ZFR2: variants seen among roughly 807,000 people sequenced by gnomAD.
The protein encoded by ZFR2 is zinc finger RNA binding protein 2.
Under a neutral mutation model 105.7 loss-of-function variants are expected in ZFR2, and 104 were observed. The ratio of observed to expected loss-of-function variants is 0.98; its 90% CI spans 0.84 to 1.16. The LOEUF (loss-of-function observed/expected upper bound fraction) is 1.16. Among genes scored for constraint, ZFR2 ranks in the 50% most tolerant of loss-of-function variants. The pLI, the probability that ZFR2 is intolerant of heterozygous loss-of-function variation, is 0.00. For missense variants in ZFR2, 1,425 were observed against 1,355.5 expected (o/e 1.05, Z -0.80); for synonymous variants, 634 against 597.7 (o/e 1.06, Z -0.89).
At chr19:3,845,529 CT>C (rs955159631) in intron 1 of ZFR2, among the ~76,000 whole-genome samples, 1 of 150,858 alleles carries the variant, frequency 6.6e-6, no homozygotes, top group African/African-American at 2.4e-5. Flanking sequence ...CAAGGTCACA[CT>C]TTTGTAATCC....
At chr19:3,849,264 G>C (rs937694475) in intron 1 of ZFR2, among the ~76,000 whole-genome samples, 1 of 152,206 alleles carries the variant, frequency 6.6e-6, no homozygotes, top group African/African-American at 2.4e-5. Context: ...AACCTGTGGG[G>C]CTTTCTCTAT....
chr19:3,843,788 T>C lies in ZFR2; in HGVS notation c.54-8805A>G, dbSNP rs111550288. Among the ~76,000 whole-genome samples the C allele has an allele frequency of 9.0e-3, 1,313 of 146,604 alleles. 19 individuals are homozygous for C. The highest frequency in any genetic ancestry group is 0.032 in the African/African-American group (1,250 of 39,294). On this transcript the variant is annotated intron_variant, in intron 1 of 18. Transcript: ENST00000262961. ...AGGCGGAGCTTGCAGTGAGCAGAGA[T>C]CACACCACTGCACTCCAGCCTGGGT... is the stretch of plus-strand genomic sequence containing the variant.
At chr19:3,833,826 G>A in intron 2 of ZFR2, 48 bp from the exon 3 acceptor site, 7 of 1,472,800 alleles carry the variant, frequency 4.8e-6, no homozygotes, top group Admixed American at 2.0e-5. Context: ...GAGGAGAGCA[G>A]CTCAGGCGGT....
Position 3,819,110 on chromosome 19 carries a change from C to T in ZFR2, c.1866G>A (p.Lys622=). 1 of 1,612,210 alleles carries T rather than the reference C, an allele frequency of 6.2e-7. No individual in the cohort carries two copies. The highest frequency in any genetic ancestry group is 8.5e-7 in the Non-Finnish European group (1 of 1,179,758). The change falls in exon 12 of 19, where the codon AAG becomes AAA. Residue 622 remains lysine, a synonymous_variant. Coordinates refer to ENST00000262961, the MANE Select transcript of ZFR2 (RefSeq NM_015174.2). ...CCTCGGCCAGTGTGTCGGACACCAG[C>T]TTGAGGGCCCGCTCTGCGTGGGACA... is the stretch of plus-strand genomic sequence containing the variant. ...RAVSHAERAL[K]LVSDTLAEED...
At position 3,813,643 on chromosome 19, in the gene ZFR2, G is replaced by A. The variant is rs565401903; in HGVS notation, c.2242+177C>T. Among the ~76,000 whole-genome samples the A allele has an allele frequency of 2.3e-4, 35 of 152,274 alleles. No homozygotes were observed. Among genetic ancestry groups the A allele is most frequent in the African/African-American group, 6.5e-4 (27 of 41,552 alleles). ...CACCGACTCGCCGCCTCTGCTGCCC[G>A]GAGACCCAGCTCTTGTGTGACCCAT... On this transcript the variant is annotated intron_variant, in intron 14 of 18. Coordinates refer to ENST00000262961, the MANE Select transcript of ZFR2 (RefSeq NM_015174.2). The surrounding 1 kb of genome is among the most constrained non-coding windows in gnomAD (Gnocchi z 4.4).
At chr19:3,817,322 G>A (rs2037836213) in intron 12 of ZFR2, among the ~76,000 whole-genome samples, 1 of 152,038 alleles carries the variant, frequency 6.6e-6, no homozygotes, top group African/African-American at 2.4e-5. Context: ...ACTTTGGGAG[G>A]CCGAGGTGGG....
intron 1 of ZFR2, chr19:3,855,689 T>C (rs2038290195): frequency 5.4e-6 from 2 of 369,710 alleles, no homozygotes; most frequent in Non-Finnish European, 9.6e-6. Context: ...GGGCTGGTCA[T>C]GGCGGGCCTG....
chr19:3,855,454 C>T (rs2038286679), intron 1 of ZFR2: 1 of 1,231,558 alleles, frequency 8.1e-7, no homozygotes, highest in African/African-American at 1.6e-5. Context: ...TTCATTGAGT[C>T]ATTGGATAAA....
chr19:3,860,225 G>T (rs533606042), intron 1 of ZFR2, among the ~76,000 whole-genome samples: 2 of 149,844 alleles, frequency 1.3e-5, no homozygotes, highest in Non-Finnish European at 3.0e-5. Context: ...TTCAGAGATG[G>T]GGGGGGTCTC....
At position 3,813,672 on chromosome 19, in the gene ZFR2, A is replaced by G; in HGVS notation, c.2242+148T>C. The G allele has an allele frequency of 1.7e-6, 2 of 1,170,038 alleles. No homozygotes were observed. The highest frequency in any genetic ancestry group is 2.4e-6 in the Non-Finnish European group (2 of 840,904). 72.5% of individuals were successfully genotyped at this position (1,170,038 alleles called of 1,614,324 possible). On this transcript the variant is annotated intron_variant, in intron 14 of 18. Transcript: ENST00000262961. The surrounding 1 kb of genome is among the most constrained non-coding windows in gnomAD (Gnocchi z 4.4). Reference sequence around the variant, plus strand: ...ACCCAGCTCTTGTGTGACCCATGGAATCCTCAGGGGGACAGCAGTGCTGGA... The same window carrying G: ...ACCCAGCTCTTGTGTGACCCATGGAGTCCTCAGGGGGACAGCAGTGCTGGA...
In ZFR2 at chr19:3,864,511, T is replaced by C. The variant is rs559505530; in HGVS notation, c.53+4454A>G. On this transcript the variant is annotated intron_variant, in intron 1 of 18. Coordinates refer to ENST00000262961, the MANE Select transcript of ZFR2 (RefSeq NM_015174.2). The stretch of plus-strand genomic sequence containing the variant: ...AAGGCACAGCTAGCCGACTGCGTAA[T>C]ACTGGTGGAACTGTGACAAACTGCT... Among the ~76,000 whole-genome samples, 27 of 152,364 alleles carry C rather than the reference T, an allele frequency of 1.8e-4. 1 individual carries two copies. The South Asian group carries it at 5.6e-3, about 32-fold the overall frequency.
chr19:3,824,812 C>T (rs2037931524), intron 7 of ZFR2, among the ~76,000 whole-genome samples: 1 of 152,144 alleles, frequency 6.6e-6, no homozygotes, highest in Admixed American at 6.6e-5. Flanking sequence ...TGGTGCATGC[C>T]TATAGTCCCA....
chr19:3,810,170 G>A (rs563651871), intron 16 of ZFR2, among the ~76,000 whole-genome samples: 5 of 152,106 alleles, frequency 3.3e-5, no homozygotes, highest in South Asian at 4.1e-4. Context: ...CCCGCAGGGC[G>A]GGGGGGAGGC....
rs575210246 is a variant in ZFR2 at position 3,820,210 on chromosome 19, G to A, written c.1712C>T (p.Pro571Leu). The change falls in exon 11 of 19, where the codon CCG becomes CTG. Residue 571 changes from proline (P) to leucine (L), a missense_variant. Coordinates refer to ENST00000262961, the MANE Select transcript of ZFR2 (RefSeq NM_015174.2). ...GAGTGGGGCGCTGGCGGGTGACTCCGGCCTGCCCATGAGCAGAGGCTGGGC... is the reference window on the plus strand; with the variant it reads ...GAGTGGGGCGCTGGCGGGTGACTCCAGCCTGCCCATGAGCAGAGGCTGGGC... ...DWAQPLLMGR[P>L]ESPASAPLQP... is the part of the protein sequence containing the mutation. The A allele has an allele frequency of 1.4e-5, 22 of 1,552,226 alleles. No individual in the cohort carries two copies. The highest frequency in any genetic ancestry group is 3.6e-5 in the South Asian group (3 of 84,188).
At chr19:3,808,706 C>T (rs529124005) in intron 17 of ZFR2, among the ~76,000 whole-genome samples, 166 bp downstream of exon 17, 4 of 152,236 alleles carry the variant, frequency 2.6e-5, no homozygotes, top group African/African-American at 9.6e-5. Context: ...TGACCGCGGC[C>T]CTGTCTGCCT....
intron 18 of ZFR2, among the ~76,000 whole-genome samples, 180 bp downstream of exon 18, chr19:3,806,992 C>A (rs2037703777): frequency 6.6e-6 from 1 of 152,142 alleles, no homozygotes; most frequent in South Asian, 2.1e-4. Flanking sequence ...CCCACGCCAC[C>A]ATGCCAGGCT....
At chr19:3,843,564 G>A (rs2038155356) in intron 1 of ZFR2, among the ~76,000 whole-genome samples, 1 of 151,730 alleles carries the variant, frequency 6.6e-6, no homozygotes, top group Non-Finnish European at 1.5e-5. Context: ...CGGGCGCGGT[G>A]GCTCACGCCT....
At chr19:3,865,851 GT>G (rs2038421271) in intron 1 of ZFR2, among the ~76,000 whole-genome samples, 1 of 151,682 alleles carries the variant, frequency 6.6e-6, no homozygotes, top group African/African-American at 2.4e-5. Context: ...GTACTTTTTT[GT>G]TTGTTTGAGA....
In ZFR2 at chr19:3,806,018, TC is replaced by T; in HGVS notation, c.2750del (p.Gly917AspfsTer61). 2 of 1,547,094 alleles carry T rather than the reference TC, an allele frequency of 1.3e-6. No homozygotes were observed. Among genetic ancestry groups the T allele is most frequent in the Non-Finnish European group, 1.7e-6 (2 of 1,147,682 alleles). The part of the protein sequence containing the change: ...LGARFRKRQR[G>X]PGEGEEGAGE... The stretch of plus-strand genomic sequence containing the variant: ...CTGCGCCCTCCTCTCCCTCGCCAGG[TC>T]CCCGTTGCCTCTTCCGGAAGCGGGC... On this transcript the variant is annotated frameshift_variant, in exon 19 of 19. Coordinates refer to ENST00000262961, the MANE Select transcript of ZFR2 (RefSeq NM_015174.2). LOFTEE classifies it low-confidence loss of function (END_TRUNC).
Sources: allele counts gnomAD v4.1 joint callset (sites outside exome capture counted in the v4.1 genomes callset), GRCh38; gene constraint gnomAD v4.1.1; non-coding constraint Gnocchi (gnomAD v3.1); transcripts MANE v1.5; gene names NCBI Gene and HGNC (gene_info 2026-07-23, HGNC 2026-07-21).